The following SEMA3A variants were observed in gnomAD, a reference collection of about 807,000 sequenced individuals.
SEMA3A encodes semaphorin 3A, also known as semaphorin-3A.
In SEMA3A, 29 loss-of-function variants were observed where a neutral mutation model predicts 97.9. The observed-to-expected ratio is 0.30, with a 90% CI of 0.22 to 0.40. The LOEUF (loss-of-function observed/expected upper bound fraction) is 0.40, where lower values mean the gene tolerates loss of function less well. SEMA3A is among the 10% of genes least tolerant of loss of function. SEMA3A has a pLI of 1.00. For synonymous variants in SEMA3A, 321 were observed against 323.7 expected (o/e 0.99, Z 0.09); for missense variants, 763 against 951.3 (o/e 0.80, Z 2.60).
At chr7:83,968,804 CTTTTTTTTTTTTT>C (rs34837012) in intron 15 of SEMA3A, among the ~76,000 whole-genome samples, 23 of 86,970 alleles carry the variant, frequency 2.6e-4, no homozygotes, top group South Asian at 7.7e-4. Flanking sequence ...CTTTTCTTTC[CTTTTTTTTTTTTT>C]TTTTTTTTTT....
chr7:84,058,686 A>G (rs1340265592), intron 5 of SEMA3A, among the ~76,000 whole-genome samples: 1 of 152,144 alleles, frequency 6.6e-6, no homozygotes. Context: ...GAAAATTACT[A>G]AATTATTTTA....
chr7:84,421,900 G>A (rs904002956), intron 1 of SEMA3A, among the ~76,000 whole-genome samples: 7 of 152,054 alleles, frequency 4.6e-5, no homozygotes, highest in African/African-American at 7.2e-5. Context: ...TTTTTGATGT[G>A]CTGCTGGATT....
chr7:84,385,854 A>T (rs529244070), intron 1 of SEMA3A, among the ~76,000 whole-genome samples: 1 of 152,330 alleles, frequency 6.6e-6, no homozygotes, highest in South Asian at 2.1e-4. Context: ...AAAGCTCTGC[A>T]TTGGACTTTT....
chr7:84,131,574 T>C (rs1178608099), intron 2 of SEMA3A, among the ~76,000 whole-genome samples: 1 of 152,118 alleles, frequency 6.6e-6, no homozygotes, highest in African/African-American at 2.4e-5. Flanking sequence ...CGAAGAGGGA[T>C]TTGCCTAGTA....
intron 4 of SEMA3A, among the ~76,000 whole-genome samples, chr7:84,102,877 C>T (rs766604712): frequency 1.2e-4 from 19 of 152,044 alleles, no homozygotes; most frequent in Non-Finnish European, 2.6e-4. Context: ...TCACTGTGCC[C>T]GGCCTTTTAC....
chr7:84,467,510 G>A (rs916839299), intron 1 of SEMA3A, among the ~76,000 whole-genome samples: 1 of 126,016 alleles, frequency 7.9e-6, no homozygotes, highest in Non-Finnish European at 1.6e-5. Flanking sequence ...CTGGGTGACA[G>A]AGCGAGACTC....
intron 1 of SEMA3A, among the ~76,000 whole-genome samples, chr7:84,442,526 C>G (rs372735988): frequency 1.3e-5 from 2 of 151,898 alleles, no homozygotes; most frequent in African/African-American, 4.8e-5. Flanking sequence ...AAAAAATCAA[C>G]TAAACACCAA....
chr7:84,231,042 T>C (rs1799105621), intron 3 of SEMA3A, among the ~76,000 whole-genome samples: 2 of 151,962 alleles, frequency 1.3e-5, no homozygotes, highest in South Asian at 4.1e-4. Context: ...CTGATTGGAA[T>C]ATCCTTGTTA....
chr7:84,182,123 A>G (rs2116239519), intron 1 of SEMA3A, among the ~76,000 whole-genome samples: 1 of 152,184 alleles, frequency 6.6e-6, no homozygotes. Flanking sequence ...CTGCAGGTTT[A>G]TTTTCTTGAG....
Position 84,070,585 on chromosome 7 carries a change from G to T in SEMA3A, c.454-10027C>A, listed in dbSNP as rs114071336. On this transcript the variant is annotated intron_variant, in intron 4 of 16. Transcript: ENST00000265362. ...GGATGAATATTTTAGGTGGGAAATT[G>T]CATAAAATTATGTGAAAACTAATAG... Among the ~76,000 whole-genome samples, 493 of 152,200 alleles carry T rather than the reference G, an allele frequency of 3.2e-3. 3 individuals are homozygous for T. Among genetic ancestry groups the T allele is most frequent in the African/African-American group, 0.011 (463 of 41,554 alleles).
intron 1 of SEMA3A, among the ~76,000 whole-genome samples, chr7:84,156,935 C>A (rs934803270): frequency 6.6e-6 from 1 of 152,066 alleles, no homozygotes; most frequent in African/African-American, 2.4e-5. Flanking sequence ...ATATCATGGC[C>A]ATGCTTGAAA....
At chr7:84,083,373 C>A (rs532189768) in intron 4 of SEMA3A, among the ~76,000 whole-genome samples, 1 of 151,710 alleles carries the variant, frequency 6.6e-6, no homozygotes, top group African/African-American at 2.4e-5. Context: ...GATGCAAGTA[C>A]ACAATGTGTA....
intron 5 of SEMA3A, among the ~76,000 whole-genome samples, chr7:84,054,099 C>G (rs1792824694): frequency 2.0e-5 from 3 of 151,832 alleles, no homozygotes; most frequent in Admixed American, 6.6e-5. Context: ...GTCTGATGGG[C>G]TTCCCTTTGA....
chr7:84,000,765 A>G (rs2116383526), intron 12 of SEMA3A, among the ~76,000 whole-genome samples: 1 of 152,276 alleles, frequency 6.6e-6, no homozygotes, highest in East Asian at 1.9e-4. Flanking sequence ...TTTCAATGTT[A>G]ATTATAATGC....
At chr7:84,437,726 C>T (rs1286198205) in intron 1 of SEMA3A, among the ~76,000 whole-genome samples, 1 of 151,750 alleles carries the variant, frequency 6.6e-6, no homozygotes, top group South Asian at 2.1e-4. Context: ...TTGAAAGGTG[C>T]AGTAATCAGA....
At chr7:84,470,386 T>C (rs1806115095) in intron 1 of SEMA3A, among the ~76,000 whole-genome samples, 1 of 152,132 alleles carries the variant, frequency 6.6e-6, no homozygotes, top group Non-Finnish European at 1.5e-5. Flanking sequence ...AGCTATATGA[T>C]GAAGCATTTC....
At chr7:84,267,656 T>C (rs1353717342) in intron 3 of SEMA3A, among the ~76,000 whole-genome samples, 1 of 152,124 alleles carries the variant, frequency 6.6e-6, no homozygotes, top group Admixed American at 6.6e-5. Context: ...ATTTTGTGGC[T>C]GTGTGTGCAA....
At chr7:84,025,631 A>G (rs1258521694) in intron 6 of SEMA3A, among the ~76,000 whole-genome samples, 1 of 81,168 alleles carries the variant, frequency 1.2e-5, no homozygotes, top group Non-Finnish European at 3.0e-5. Flanking sequence ...AGCCTTTGGG[A>G]TAGTTTAACC....
rs1345901011 is a variant in SEMA3A at position 84,134,894 on chromosome 7, T to A, written c.170A>T (p.Tyr57Phe). The A allele has an allele frequency of 1.9e-6, 3 of 1,613,984 alleles. No individual in the cohort carries two copies. The highest frequency in any genetic ancestry group is 2.5e-6 in the Non-Finnish European group (3 of 1,179,904). The change falls in exon 2 of 17, where the codon TAT becomes TTT. Residue 57 changes from tyrosine to phenylalanine, a missense_variant. By Grantham distance (22) the Tyr-to-Phe change is conservative (BLOSUM62 3). Around this residue, in one of 2 missense-constraint regions of SEMA3A, gnomAD observed 85 missense variants for 70.0 expected, o/e 1.21. Coordinates refer to ENST00000265362, the MANE Select transcript of SEMA3A (RefSeq NM_006080.3). Reference sequence around the variant, plus strand: ...TTCCTCATCCAAAAGGAAGGTATGATAACTGGAGCTGTTGGCCAAGCCATT... The same window carrying A: ...TTCCTCATCCAAAAGGAAGGTATGAAAACTGGAGCTGTTGGCCAAGCCATT... ...TFNGLANSSS[Y>F]HTFLLDEERS...
Sources: allele counts gnomAD v4.1 joint callset (sites outside exome capture counted in the v4.1 genomes callset), GRCh38; gene constraint gnomAD v4.1.1; regional missense constraint gnomAD v4.1.1; transcripts MANE v1.5; gene names NCBI Gene and HGNC (gene_info 2026-07-23, HGNC 2026-07-21).